The following ADCY2 variants were observed in gnomAD, a reference collection of about 807,000 sequenced individuals.
ADCY2 encodes adenylate cyclase 2.
ADCY2 carries 31 observed loss-of-function variants against 125.2 expected under a neutral mutation model. That is an observed-to-expected ratio of 0.25 (90% CI 0.19 to 0.33). The LOEUF (loss-of-function observed/expected upper bound fraction) is 0.33, where lower values mean the gene tolerates loss of function less well. Ranked by LOEUF, ADCY2 falls within the 10% of genes least tolerant of loss-of-function variation. ADCY2 has a pLI of 1.00. For missense variants in ADCY2, 904 were observed against 1,418.2 expected, an observed-to-expected ratio of 0.64 and a Z score of 5.82; for synonymous variants, 512 against 548.4, an observed-to-expected ratio of 0.93 and a Z score of 0.93.
rs183334739 is a variant in ADCY2 at position 7,705,818 on chromosome 5, T to C, written c.1110-926T>C. ...ATTCTTTTTTCAGAGTGCGATTTAT[T>C]TTTATATCGTGGGTCCGTTTTGTTT... On this transcript the variant is annotated intron_variant, in intron 7 of 24. Transcript: ENST00000338316. 1.7e-3 allele frequency among the ~76,000 whole-genome samples: 254 copies of C among 152,336 alleles called. 1 individual carries two copies. The highest frequency in any genetic ancestry group is 5.7e-3 in the African/African-American group (237 of 41,578).
At chr5:7,667,285 C>T (rs892077609) in intron 4 of ADCY2, among the ~76,000 whole-genome samples, 2 of 152,200 alleles carry the variant, frequency 1.3e-5, no homozygotes, top group East Asian at 3.9e-4. Flanking sequence ...CATGTTCTTT[C>T]TTCAGTTCTG....
chr5:7,469,992 A>T (rs1396838230), intron 2 of ADCY2, among the ~76,000 whole-genome samples: 1 of 151,674 alleles, frequency 6.6e-6, no homozygotes, highest in African/African-American at 2.4e-5. Context: ...ATTTTACCCA[A>T]ATTTTCTGTC....
At chr5:7,706,444 G>C (rs1191760721) in intron 7 of ADCY2, among the ~76,000 whole-genome samples, 1 of 152,202 alleles carries the variant, frequency 6.6e-6, no homozygotes, top group Non-Finnish European at 1.5e-5. Context: ...ACATGTGCCA[G>C]CACATGGTAG....
At chr5:7,615,170 G>T (rs1248593970) in intron 3 of ADCY2, among the ~76,000 whole-genome samples, 1 of 152,098 alleles carries the variant, frequency 6.6e-6, no homozygotes, top group Non-Finnish European at 1.5e-5. Context: ...TGCCCCCATG[G>T]TCCAATCATC....
intron 22 of ADCY2, among the ~76,000 whole-genome samples, chr5:7,807,986 G>A (rs1418262934): frequency 6.6e-6 from 1 of 152,202 alleles, no homozygotes; most frequent in Non-Finnish European, 1.5e-5. Context: ...CAAGCCTGCT[G>A]TGTCTCTGGG....
intron 12 of ADCY2, among the ~76,000 whole-genome samples, chr5:7,721,321 T>C (rs1348028930): frequency 6.6e-6 from 1 of 152,186 alleles, no homozygotes; most frequent in Non-Finnish European, 1.5e-5. Flanking sequence ...GGGTAGATTA[T>C]AAAAATTTTC....
intron 2 of ADCY2, among the ~76,000 whole-genome samples, chr5:7,441,335 A>G (rs1382155322): frequency 3.3e-5 from 5 of 152,190 alleles, no homozygotes; most frequent in African/African-American, 1.2e-4. Context: ...GGGTATAACA[A>G]GTATCAATTA....
At chr5:7,702,678 C>T (rs1741128064) in intron 7 of ADCY2, among the ~76,000 whole-genome samples, 1 of 152,180 alleles carries the variant, frequency 6.6e-6, no homozygotes, top group South Asian at 2.1e-4. Context: ...AATAGTGCCA[C>T]AGTAAACATA....
intron 2 of ADCY2, among the ~76,000 whole-genome samples, chr5:7,477,971 C>G (rs1194727063): frequency 6.6e-6 from 1 of 152,154 alleles, no homozygotes; most frequent in Non-Finnish European, 1.5e-5. Context: ...TGTATTTAGT[C>G]TTTTAACCCA....
At chr5:7,566,949 G>A (rs1246309984) in intron 3 of ADCY2, among the ~76,000 whole-genome samples, 1 of 152,100 alleles carries the variant, frequency 6.6e-6, no homozygotes, top group Non-Finnish European at 1.5e-5. Flanking sequence ...AGTTTCAAGT[G>A]ACTTATTTGT....
At chr5:7,623,980 G>T (rs1291958954) in intron 3 of ADCY2, among the ~76,000 whole-genome samples, 2 of 152,168 alleles carry the variant, frequency 1.3e-5, no homozygotes, top group Non-Finnish European at 2.9e-5. Flanking sequence ...ACATTATGGG[G>T]GTTAGCTCTA....
At chr5:7,479,888 A>C (rs1742665460) in intron 2 of ADCY2, among the ~76,000 whole-genome samples, 1 of 152,190 alleles carries the variant, frequency 6.6e-6, no homozygotes, top group African/African-American at 2.4e-5. Context: ...GTAACATAAT[A>C]ATGACCAGTT....
At position 7,728,257 on chromosome 5, in the gene ADCY2, G is replaced by A. The variant is rs147001544; in HGVS notation, c.1871+996G>A. On this transcript the variant is annotated intron_variant, in intron 14 of 24. Transcript: ENST00000338316. ...CTACAAAGAAGTTGTCTGTTTCTCC[G>A]CCTCTGTACTTCAAAGGATTTTCTT... Among the ~76,000 whole-genome samples, 21 of 152,216 alleles carry A rather than the reference G, an allele frequency of 1.4e-4. No homozygotes were observed. In the South Asian group the frequency reaches 1.9e-3, roughly 14 times the overall value.
intron 1 of ADCY2, among the ~76,000 whole-genome samples, chr5:7,408,317 T>C (rs1449992061): frequency 6.6e-6 from 1 of 152,114 alleles, no homozygotes; most frequent in African/African-American, 2.4e-5. Context: ...GCACCACAAA[T>C]GTTGATGTGC....
rs187079512 is a variant in ADCY2, at chr5:7,410,043, G to C, written c.211-4530G>C. 1.6e-3 allele frequency among the ~76,000 whole-genome samples: 246 copies of C among 152,298 alleles called. 1 individual carries two copies. Among genetic ancestry groups the C allele is most frequent in the African/African-American group, 5.7e-3 (237 of 41,548 alleles). The stretch of plus-strand genomic sequence containing the variant: ...CAAATGTTTATCAAAGCTAAAGGCT[G>C]ATTTCATTTTTCCTAGTAATTACTG... On this transcript the variant is annotated intron_variant, in intron 1 of 24. Transcript: ENST00000338316.
At chr5:7,547,449 C>T (rs1001215020) in intron 3 of ADCY2, among the ~76,000 whole-genome samples, 4 of 152,178 alleles carry the variant, frequency 2.6e-5, no homozygotes, top group African/African-American at 4.8e-5. Flanking sequence ...GTATGGGTCT[C>T]GCATCCTGTC....
intron 2 of ADCY2, among the ~76,000 whole-genome samples, chr5:7,443,786 C>G (rs1313417449): frequency 1.3e-5 from 2 of 151,846 alleles, no homozygotes; most frequent in South Asian, 2.1e-4. Context: ...GTTGCTGTCT[C>G]CATTCTAAGG....
At position 7,802,760 on chromosome 5, in the gene ADCY2, A is replaced by G. The variant is rs984223153; in HGVS notation, c.2775+396A>G. ...ATGCCTTTGTCAGATATCAACTTGC[A>G]CTATGCATGGATGACATTTTCTTAA... On this transcript the variant is annotated intron_variant, in intron 21 of 24. Coordinates refer to ENST00000338316, the MANE Select transcript of ADCY2 (RefSeq NM_020546.3). This position sits in a 1 kb window ranked among gnomAD's most constrained non-coding sequence, Gnocchi z 4.6. Among the ~76,000 whole-genome samples the G allele has an allele frequency of 6.6e-6, 1 of 152,244 alleles. No individual in the cohort carries two copies. Among genetic ancestry groups the G allele is most frequent in the Non-Finnish European group, 1.5e-5 (1 of 68,036 alleles).
intron 3 of ADCY2, among the ~76,000 whole-genome samples, chr5:7,528,042 A>G (rs1734532090): frequency 1.3e-5 from 2 of 152,318 alleles, no homozygotes; most frequent in South Asian, 4.1e-4. Flanking sequence ...TCTGTATAGC[A>G]TGAAGCTATT....
Sources: gnomAD v4.1 joint callset for allele counts (sites outside exome capture counted in the v4.1 genomes callset) on GRCh38, gnomAD v4.1.1 for gene constraint, Gnocchi (gnomAD v3.1) non-coding constraint, MANE v1.5 for transcripts, NCBI Gene and HGNC (gene_info 2026-07-23, HGNC 2026-07-21) for gene names.